The following TIRAP variants were observed in gnomAD, a reference collection of about 807,000 sequenced individuals.
The protein encoded by TIRAP is TIR domain containing adaptor protein.
Under a neutral mutation model 19.8 loss-of-function variants are expected in TIRAP, and 20 were observed. The observed-to-expected ratio is 1.01, with a 90% CI of 0.71 to 1.47. The LOEUF (loss-of-function observed/expected upper bound fraction) is 1.47, where lower values mean the gene tolerates loss of function less well. Ranked by LOEUF, TIRAP falls within the 40% of genes most tolerant of loss-of-function variation. The pLI is 0.00. For missense variants in TIRAP, 276 were observed against 285.1 expected, an observed-to-expected ratio of 0.97 and a Z score of 0.23; for synonymous variants, 125 against 121.7, an observed-to-expected ratio of 1.03 and a Z score of -0.18.
chr11:126,294,103 T>C lies in TIRAP; in HGVS notation c.*416T>C, dbSNP rs1197572105. On this transcript the variant is annotated 3_prime_UTR_variant, in exon 5 of 5. Coordinates refer to ENST00000392679, the MANE Select transcript of TIRAP (RefSeq NM_001318777.2). The stretch of plus-strand genomic sequence containing the variant: ...GGAACTGGGCACTGGCGTACACTGG[T>C]ATCCCTCCTAAAGAAGTGACTCACC... 38 of 268,698 alleles carry C rather than the reference T, an allele frequency of 1.4e-4. No individual in the cohort carries two copies. Among genetic ancestry groups the C allele is most frequent in the Non-Finnish European group, 2.1e-4 (28 of 135,924 alleles). The allele number at this position is 268,698 out of a possible 1,614,324, so 16.6% of individuals were successfully genotyped here.
At chr11:126,284,466 A>G (rs905742387) in intron 1 of TIRAP, among the ~76,000 whole-genome samples, 7 of 151,008 alleles carry the variant, frequency 4.6e-5, no homozygotes, top group African/African-American at 1.7e-4. Context: ...TTATTTATCC[A>G]TTCTACTGGA....
Position 126,294,613 on chromosome 11 carries a change from AGGCAAG to A in TIRAP, c.*928_*933del. 1 of 453,128 alleles carries A rather than the reference AGGCAAG, an allele frequency of 2.2e-6. No individual in the cohort carries two copies. Among genetic ancestry groups the A allele is most frequent in the South Asian group, 1.6e-5 (1 of 63,950 alleles). 28.1% of individuals were successfully genotyped at this position (453,128 alleles called of 1,614,324 possible). A position where few individuals can be genotyped will look rare whatever the true frequency, so the allele number is the denominator to read the frequency against. On this transcript the variant is annotated 3_prime_UTR_variant, in exon 5 of 5. Coordinates refer to ENST00000392679, the MANE Select transcript of TIRAP (RefSeq NM_001318777.2). ...CAGATGACTGTATTCCTTATAGGAC[AGGCAAG>A]GTTTCATTCATCTGTTCTCAGTAAG...
At chr11:126,283,254 A>G in intron 1 of TIRAP, 101 bp downstream of exon 1, 1 of 659,142 alleles carries the variant, frequency 1.5e-6, no homozygotes, top group Non-Finnish European at 1.9e-6. Flanking sequence ...TCCCGGCCCC[A>G]CCGAGAGCCG....
At chr11:126,292,165 G>A (rs1253428702) in intron 3 of TIRAP, among the ~76,000 whole-genome samples, 15 of 151,782 alleles carry the variant, frequency 9.9e-5, no homozygotes, top group Non-Finnish European at 1.9e-4. Flanking sequence ...TTAGCCAGGT[G>A]TGGTGGTGCA....
At position 126,283,508 on chromosome 11, in the gene TIRAP, C is replaced by G. The variant is rs8177351; in HGVS notation, c.-217+355C>G. On this transcript the variant is annotated intron_variant, in intron 1 of 4. Transcript: ENST00000392679. ...TCCTCACGTTCTTCTCTGCTCCGGTCACAGCCTCTTCCTCTGCTCTTCGGG... is the reference window on the plus strand; with the variant it reads ...TCCTCACGTTCTTCTCTGCTCCGGTGACAGCCTCTTCCTCTGCTCTTCGGG... Among the ~76,000 whole-genome samples, 120 of 152,360 alleles carry G rather than the reference C, an allele frequency of 7.9e-4. 1 individual carries two copies. Among genetic ancestry groups the G allele is most frequent in the African/African-American group, 2.8e-3 (117 of 41,588 alleles).
rs752935097 is a variant in TIRAP, at chr11:126,293,720, A to C, written c.*33A>C. On this transcript the variant is annotated 3_prime_UTR_variant, in exon 5 of 5. Transcript: ENST00000392679. ...TATATCATGGGACCCCGGAAATTGG[A>C]GTGAAGCTAGAAACAGAAAACCCAT... 7.4e-6 allele frequency: 12 copies of C among 1,613,660 alleles called. 2 individuals carry two copies. The South Asian group carries it at 1.3e-4, about 18-fold the overall frequency.
rs1255189486 is a variant in TIRAP at position 126,283,139 on chromosome 11, TG to T, written c.-228del. ...CAGTCCGCGCAGCCCTCATCGCAAC[TG>T]GGCCCGCGCGCAGGTGAGCCCGGGG... On this transcript the variant is annotated 5_prime_UTR_variant, in exon 1 of 5. Transcript: ENST00000392679. 2.0e-6 allele frequency: 2 copies of T among 984,706 alleles called. No homozygotes were observed. The highest frequency in any genetic ancestry group is 2.4e-6 in the Non-Finnish European group (2 of 829,704). The allele number at this position is 984,706 out of a possible 1,614,324, so 61.0% of individuals were successfully genotyped here. A position where few individuals can be genotyped will look rare whatever the true frequency, so the allele number is the denominator to read the frequency against.
At chr11:126,293,100 G>A (rs1244172384) in intron 4 of TIRAP, 45 bp downstream of exon 4, 2 of 1,612,774 alleles carry the variant, frequency 1.2e-6, no homozygotes, top group Non-Finnish European at 1.7e-6. Flanking sequence ...TTCAGCTACA[G>A]TATCTGATCT....
At position 126,285,260 on chromosome 11, in the gene TIRAP, T is replaced by TATATATATAA. The variant is rs773653398; in HGVS notation, c.-217+2108_-217+2109insTATATATAAA. On this transcript the variant is annotated intron_variant, in intron 1 of 4. Transcript: ENST00000392679. The stretch of plus-strand genomic sequence containing the variant: ...GTGTGTGTGTATATATATATATATA[T>TATATATATAA]AATATATATTTTATTTGATTTTTGA... Among the ~76,000 whole-genome samples the TATATATATAA allele has an allele frequency of 9.7e-3, 1,307 of 135,440 alleles. 11 individuals are homozygous for TATATATATAA. Among genetic ancestry groups the TATATATATAA allele is most frequent in the Non-Finnish European group, 0.012 (725 of 62,488 alleles). 88.9% of individuals were successfully genotyped at this position (135,440 alleles called of 152,430 possible). A position where few individuals can be genotyped will look rare whatever the true frequency, so the allele number is the denominator to read the frequency against.
rs1412892354 is a variant in TIRAP at position 126,288,026 on chromosome 11, T to C, written c.-216-2436T>C. On this transcript the variant is annotated intron_variant, in intron 1 of 4. Transcript: ENST00000392679. This position sits in a 1 kb window ranked among gnomAD's most constrained non-coding sequence, Gnocchi z 5.0. ...ACCTCGGCCTCCCAAAGTGCTGGGA[T>C]TACAGGGGAGCACCAGCACACCCGG... Among the ~76,000 whole-genome samples, 1 of 152,138 alleles carries C rather than the reference T, an allele frequency of 6.6e-6. No homozygotes were observed. The highest frequency in any genetic ancestry group is 1.5e-5 in the Non-Finnish European group (1 of 68,028).
At position 126,285,231 on chromosome 11, in the gene TIRAP, A is replaced by G. The variant is rs868493319; in HGVS notation, c.-217+2078A>G. 3.4e-4 allele frequency among the ~76,000 whole-genome samples: 44 copies of G among 128,732 alleles called. 2 individuals are homozygous for G. The highest frequency in any genetic ancestry group is 7.3e-4 in the African/African-American group (26 of 35,836). 84.5% of individuals were successfully genotyped at this position (128,732 alleles called of 152,430 possible). A position where few individuals can be genotyped will look rare whatever the true frequency, so the allele number is the denominator to read the frequency against. ...GTGATATAAGACATTTATTGGATAT[A>G]TGTGTGTGTGTGTATATATATATAT... On this transcript the variant is annotated intron_variant, in intron 1 of 4. Transcript: ENST00000392679.
At chr11:126,289,757 G>C in intron 1 of TIRAP, 1 of 985,416 alleles carries the variant, frequency 1.0e-6, no homozygotes, top group Non-Finnish European at 1.2e-6. Flanking sequence ...CACAGGCTCT[G>C]CTCCACAGAA....
Position 126,290,501 on chromosome 11 carries a change from C to A in TIRAP, c.-177C>A. 1 of 1,005,328 alleles carries A rather than the reference C, an allele frequency of 9.9e-7. No individual in the cohort carries two copies. The highest frequency in any genetic ancestry group is 1.2e-6 in the Non-Finnish European group (1 of 843,654). The allele number at this position is 1,005,328 out of a possible 1,614,324, so 62.3% of individuals were successfully genotyped here. The stretch of plus-strand genomic sequence containing the variant: ...GTCCTTCTAAAGAGCTGCCTGCCAG[C>A]TGCCCTTCCCCAGATCCCGAATATC... On this transcript the variant is annotated 5_prime_UTR_variant, in exon 2 of 5. The change creates a new upstream start codon in the 5' untranslated region. Transcript: ENST00000392679. The surrounding 1 kb of genome is among the most constrained non-coding windows in gnomAD (Gnocchi z 4.9).
Position 126,290,623 on chromosome 11 carries a change from A to G in TIRAP, c.-93+38A>G. The G allele has an allele frequency of 8.1e-7, 1 of 1,239,562 alleles. No individual in the cohort carries two copies. Among genetic ancestry groups the G allele is most frequent in the Non-Finnish European group, 1.0e-6 (1 of 991,440 alleles). The allele number at this position is 1,239,562 out of a possible 1,614,324, so 76.8% of individuals were successfully genotyped here. A position where few individuals can be genotyped will look rare whatever the true frequency, so the allele number is the denominator to read the frequency against. ...ACACTACACAGCTTTGGCTTTATCT[A>G]GAATCCAGCTCCAATCACAGTCGTG... On this transcript the variant is annotated intron_variant, in intron 2 of 4. Coordinates refer to ENST00000392679, the MANE Select transcript of TIRAP (RefSeq NM_001318777.2). The surrounding 1 kb of genome is among the most constrained non-coding windows in gnomAD (Gnocchi z 4.9).
Position 126,287,383 on chromosome 11 carries a change from T to C in TIRAP, c.-216-3079T>C, listed in dbSNP as rs1425194943. ...TTGCCCAGGCTGGAGTGCAGTGGCA[T>C]GATCTCGGCTCACTGCAACCTCCAC... On this transcript the variant is annotated intron_variant, in intron 1 of 4. Transcript: ENST00000392679. The surrounding 1 kb of genome is among the most constrained non-coding windows in gnomAD (Gnocchi z 4.2). Among the ~76,000 whole-genome samples the C allele has an allele frequency of 2.0e-5, 3 of 151,432 alleles. No homozygotes were observed. The highest frequency in any genetic ancestry group is 6.6e-5 in the Admixed American group (1 of 15,218).
rs1476955118 is a variant in TIRAP, at chr11:126,283,095, C to T, written c.-275C>T. 9 of 985,194 alleles carry T rather than the reference C, an allele frequency of 9.1e-6. No homozygotes were observed. 61.0% of individuals were successfully genotyped at this position (985,194 alleles called of 1,614,324 possible). A position where few individuals can be genotyped will look rare whatever the true frequency, so the allele number is the denominator to read the frequency against. ...CGGAGAGCGGGGCCTGCGCGCTGCT[C>T]TTCCCCGCGGAGCCCGCGCAGTCCG... On this transcript the variant is annotated 5_prime_UTR_variant, in exon 1 of 5. Transcript: ENST00000392679.
In TIRAP at chr11:126,288,050, G is replaced by C. The variant is rs567808997; in HGVS notation, c.-216-2412G>C. ...ATTACAGGGGAGCACCAGCACACCC[G>C]GCTAAATTTTGTATTTTTAGTAGAG... On this transcript the variant is annotated intron_variant, in intron 1 of 4. Transcript: ENST00000392679. The surrounding 1 kb of genome is among the most constrained non-coding windows in gnomAD (Gnocchi z 5.0). 6.6e-6 allele frequency among the ~76,000 whole-genome samples: 1 copy of C among 151,380 alleles called. No individual in the cohort carries two copies. Among genetic ancestry groups the C allele is most frequent in the African/African-American group, 2.4e-5 (1 of 41,104 alleles).
chr11:126,284,885 T>C (rs1951301662), intron 1 of TIRAP, among the ~76,000 whole-genome samples: 1 of 151,636 alleles, frequency 6.6e-6, no homozygotes, highest in African/African-American at 2.4e-5. Flanking sequence ...TAAGCACTGC[T>C]GTTTGAGTAT....
intron 1 of TIRAP, among the ~76,000 whole-genome samples, chr11:126,286,996 C>T (rs1199419139): frequency 6.6e-6 from 1 of 152,170 alleles, no homozygotes. Flanking sequence ...TTCCTGCCTC[C>T]CTCTTGAAAG....
Sources: gnomAD v4.1 joint callset for allele counts (sites outside exome capture counted in the v4.1 genomes callset) on GRCh38, gnomAD v4.1.1 for gene constraint, Gnocchi (gnomAD v3.1) non-coding constraint, MANE v1.5 for transcripts, NCBI Gene and HGNC (gene_info 2026-07-23, HGNC 2026-07-21) for gene names.